Variants in NPR3 observed in about 807,000 individuals in gnomAD.
NPR3 encodes the protein atrial natriuretic peptide receptor 3.
NPR3 carries 34 observed loss-of-function variants against 54.5 expected under a neutral mutation model. The observed-to-expected ratio is 0.62, with a 90% CI of 0.47 to 0.83. The LOEUF is 0.83. Ranked by LOEUF, NPR3 falls within the 40% of genes least tolerant of loss-of-function variation. NPR3 has a pLI of 0.00. For missense variants in NPR3, 674 were observed against 720.8 expected (o/e 0.94, Z 0.74); for synonymous variants, 289 against 297.1 (o/e 0.97, Z 0.28).
intron 1 of NPR3, among the ~76,000 whole-genome samples, chr5:32,698,087 AT>A (rs1740577472): frequency 6.6e-6 from 1 of 151,554 alleles, no homozygotes; most frequent in African/African-American, 2.4e-5. Flanking sequence ...AGGTTGTTTA[AT>A]TGAAGTTTTT....
intron 3 of NPR3, among the ~76,000 whole-genome samples, chr5:32,743,989 T>C (rs1698028): frequency 0.014 from 722 of 53,312 alleles, 19 homozygotes; most frequent in African/African-American, 0.04. Flanking sequence ...TCTGATGCAT[T>C]TTTTTTTTTT....
intron 1 of NPR3, among the ~76,000 whole-genome samples, chr5:32,696,891 T>G (rs989087294): frequency 7.2e-5 from 11 of 152,190 alleles, no homozygotes; most frequent in Non-Finnish European, 1.2e-4. Context: ...ATACCTTTTG[T>G]GGAGTCTTTA....
chr5:32,749,389 T>C (rs777852087), intron 3 of NPR3, among the ~76,000 whole-genome samples: 8 of 152,220 alleles, frequency 5.3e-5, no homozygotes, highest in Non-Finnish European at 1.0e-4. Context: ...AATTTTGATC[T>C]CTTTCTCTTT....
At chr5:32,783,089 G>C in intron 6 of NPR3, 61 bp downstream of exon 6, 1 of 1,493,642 alleles carries the variant, frequency 6.7e-7, no homozygotes, top group South Asian at 1.3e-5. Context: ...TGTAATGTAA[G>C]TTTAAAACCC....
chr5:32,703,825 A>G (rs890399620), intron 1 of NPR3, among the ~76,000 whole-genome samples: 12 of 151,988 alleles, frequency 7.9e-5, no homozygotes, highest in Admixed American at 1.3e-4. Context: ...GGGTTGGGAG[A>G]GGGTGGGGTG....
chr5:32,711,947 G>C lies in NPR3; in HGVS notation c.171G>C (p.Val57=). 1 of 1,558,544 alleles carries C rather than the reference G, an allele frequency of 6.4e-7. No homozygotes were observed. Among genetic ancestry groups the C allele is most frequent in the Non-Finnish European group, 8.7e-7 (1 of 1,150,748 alleles). Residue 57 remains valine (V), a synonymous_variant, in exon 1 of 8, where the codon GTG becomes GTC. Coordinates refer to ENST00000265074, the MANE Select transcript of NPR3 (RefSeq NM_001204375.2). ...ALPPQKIEVL[V]LLPQDDSYLF... ...CGCCACAGAAGATCGAGGTGCTGGTGTTACTGCCCCAGGATGACTCGTACT... is the reference window on the plus strand; with the variant it reads ...CGCCACAGAAGATCGAGGTGCTGGTCTTACTGCCCCAGGATGACTCGTACT...
At chr5:32,716,875 T>C (rs1462916703) in intron 1 of NPR3, 1 of 153,562 alleles carries the variant, frequency 6.5e-6, no homozygotes. Flanking sequence ...CTTTAAGTTC[T>C]AGGGTACATG....
intron 1 of NPR3, among the ~76,000 whole-genome samples, chr5:32,695,250 A>G (rs1463399426): frequency 1.3e-5 from 2 of 152,000 alleles, no homozygotes; most frequent in South Asian, 4.1e-4. Context: ...ATTTTACGGT[A>G]GCTCTATTTT....
intron 2 of NPR3, among the ~76,000 whole-genome samples, chr5:32,731,178 CTTCCT>C (rs890342455): frequency 1.6e-4 from 24 of 152,340 alleles, no homozygotes; most frequent in African/African-American, 5.8e-4. Context: ...CTTTTTAACA[CTTCCT>C]TTCCTATGAG....
At chr5:32,754,331 A>C (rs1414992399) in intron 3 of NPR3, among the ~76,000 whole-genome samples, 1 of 151,550 alleles carries the variant, frequency 6.6e-6, no homozygotes, top group East Asian at 1.9e-4. Flanking sequence ...GAAGTTATGA[A>C]AAATGATTGT....
rs1738299363 is a variant in NPR3, at chr5:32,712,393, A to C, written c.617A>C (p.Asp206Ala). 6.2e-7 allele frequency: 1 copy of C among 1,613,232 alleles called. No individual in the cohort carries two copies. Among genetic ancestry groups the C allele is most frequent in the Non-Finnish European group, 8.5e-7 (1 of 1,179,590 alleles). Residue 206 changes from aspartate to alanine, a missense_variant, in exon 1 of 8, where the codon GAC (aspartate) becomes GCC (alanine). Coordinates refer to ENST00000265074, the MANE Select transcript of NPR3 (RefSeq NM_001204375.2). ...HWSRAALVYS[D>A]DKLERNCYFT... ...AGCCGCGCTGCACTGGTCTACAGCG[A>C]CGACAAGCTGGAGCGGAACTGCTAC... is the stretch of plus-strand genomic sequence containing the variant.
chr5:32,692,715 T>C (rs896972423), intron 1 of NPR3, among the ~76,000 whole-genome samples: 2 of 152,224 alleles, frequency 1.3e-5, no homozygotes, highest in African/African-American at 4.8e-5. Context: ...CACATCATGG[T>C]AATAGAAAAT....
At chr5:32,742,995 C>G (rs1178013897) in intron 3 of NPR3, among the ~76,000 whole-genome samples, 1 of 152,088 alleles carries the variant, frequency 6.6e-6, no homozygotes, top group Non-Finnish European at 1.5e-5. Flanking sequence ...AGGTTATGGT[C>G]TTCTGAAAAT....
chr5:32,719,204 G>T (rs899338576), intron 1 of NPR3, among the ~76,000 whole-genome samples: 5 of 151,896 alleles, frequency 3.3e-5, no homozygotes, highest in African/African-American at 1.2e-4. Context: ...TTATTTTCTA[G>T]GTATTTTGCA....
At chr5:32,767,633 G>C (rs899393592) in intron 3 of NPR3, among the ~76,000 whole-genome samples, 18 of 152,068 alleles carry the variant, frequency 1.2e-4, no homozygotes, top group African/African-American at 4.1e-4. Flanking sequence ...ATTAAGAATT[G>C]GACAAAATTA....
In NPR3 at chr5:32,724,760, G is replaced by A. The variant is rs2111892113; in HGVS notation, c.832G>A (p.Gly278Ser). 6.2e-7 allele frequency: 1 copy of A among 1,613,902 alleles called. No individual in the cohort carries two copies. Among genetic ancestry groups the A allele is most frequent in the Non-Finnish European group, 8.5e-7 (1 of 1,179,840 alleles). ...RSIMLVAHRH[G>S]MTSGDYAFFN... is the part of the protein sequence containing the mutation. ...CATCATGCTGGTGGCGCACAGGCAT[G>A]GCATGACCAGTGGAGACTACGCCTT... is the stretch of plus-strand genomic sequence containing the variant. The change falls in exon 2 of 8, where the codon GGC becomes AGC. Residue 278 changes from glycine to serine, a missense_variant. Coordinates refer to ENST00000265074, the MANE Select transcript of NPR3 (RefSeq NM_001204375.2).
At chr5:32,704,225 G>A (rs1737923333) in intron 1 of NPR3, among the ~76,000 whole-genome samples, 1 of 152,154 alleles carries the variant, frequency 6.6e-6, no homozygotes, top group South Asian at 2.1e-4. Flanking sequence ...GGCTGCTGCT[G>A]GGGGATGGGG....
intron 1 of NPR3, chr5:32,713,198 C>T (rs1461570021): frequency 1.0e-6 from 1 of 985,316 alleles, no homozygotes; most frequent in Non-Finnish European, 1.2e-6. Flanking sequence ...ACTCACTTCT[C>T]CCAGAGTGTT....
intron 2 of NPR3, among the ~76,000 whole-genome samples, chr5:32,735,760 C>T (rs773281547): frequency 4.6e-5 from 7 of 152,160 alleles, no homozygotes; most frequent in Non-Finnish European, 7.4e-5. Flanking sequence ...CATGCCAAGC[C>T]GACCTCTGCT....
Sources: gnomAD v4.1 joint callset for allele counts (sites outside exome capture counted in the v4.1 genomes callset) on GRCh38, gnomAD v4.1.1 for gene constraint, MANE v1.5 for transcripts, NCBI Gene and HGNC (gene_info 2026-07-23, HGNC 2026-07-21) for gene names.